Variants in KLHL29 observed in about 807,000 individuals in gnomAD.
KLHL29 encodes the protein kelch-like protein 29.
A neutral mutation model predicts 80.4 loss-of-function variants in KLHL29; 21 were observed. The observed-to-expected ratio is 0.26, with a 90% CI of 0.19 to 0.38. The LOEUF (loss-of-function observed/expected upper bound fraction) is 0.38. Ranked by LOEUF, KLHL29 falls within the 10% of genes least tolerant of loss-of-function variation. KLHL29 has a pLI of 1.00. For missense variants in KLHL29, 867 were observed against 1,223.9 expected, an observed-to-expected ratio of 0.71 and a Z score of 4.35; for synonymous variants, 511 against 526.8, an observed-to-expected ratio of 0.97 and a Z score of 0.41.
intron 3 of KLHL29, among the ~76,000 whole-genome samples, chr2:23,594,617 A>T (rs552726062): frequency 1.3e-5 from 2 of 152,320 alleles, no homozygotes; most frequent in African/African-American, 4.8e-5. Context: ...TCCATGAGGA[A>T]TTGGTGAAAC....
intron 3 of KLHL29, among the ~76,000 whole-genome samples, chr2:23,627,464 A>T (rs1669344602): frequency 6.6e-6 from 1 of 152,216 alleles, no homozygotes; most frequent in Non-Finnish European, 1.5e-5. Flanking sequence ...ATTTCTGCCC[A>T]GCTCTGACCC....
chr2:23,706,993 G>A lies in KLHL29; in HGVS notation c.*329G>A, dbSNP rs550094828. 2.2e-4 allele frequency: 47 copies of A among 216,098 alleles called. No homozygotes were observed. In the East Asian group the frequency reaches 4.9e-3, roughly 23 times the overall value. 13.4% of individuals were successfully genotyped at this position (216,098 alleles called of 1,614,324 possible). On this transcript the variant is annotated 3_prime_UTR_variant, in exon 14 of 14. Transcript: ENST00000486442. ...GAGAAGCTGTTTTTTCCTTCCTGCA[G>A]AGCAAGCTTGATCCCTAAACAACCA...
chr2:23,425,047 T>C (rs1301952283), intron 1 of KLHL29, among the ~76,000 whole-genome samples: 2 of 152,218 alleles, frequency 1.3e-5, no homozygotes. Context: ...GGAAATGAAA[T>C]GTTGTGTATA....
In KLHL29 at chr2:23,670,917, G is replaced by GCGCGCACT. The variant is rs150131401; in HGVS notation, c.941-13481_941-13480insGCGCACTC. Among the ~76,000 whole-genome samples, 47 of 18,564 alleles carry GCGCGCACT rather than the reference G, an allele frequency of 2.5e-3. 4 individuals are homozygous for GCGCGCACT. The highest frequency in any genetic ancestry group is 3.1e-3 in the Non-Finnish European group (26 of 8,502). 12.2% of individuals were successfully genotyped at this position (18,564 alleles called of 152,430 possible). ...GAGGGGTCTCTACACACATGCACGC[G>GCGCGCACT]CTCTCTCTCTCTCTCTCTCTCTCTC... On this transcript the variant is annotated intron_variant, in intron 5 of 13. Coordinates refer to ENST00000486442, the MANE Select transcript of KLHL29 (RefSeq NM_052920.2).
chr2:23,586,338 C>T (rs888606450), intron 3 of KLHL29, among the ~76,000 whole-genome samples: 2 of 150,690 alleles, frequency 1.3e-5, no homozygotes, highest in Non-Finnish European at 2.9e-5. Flanking sequence ...GCCTCCCCCC[C>T]ATTCCTTCTA....
In KLHL29 at chr2:23,385,401, C is replaced by G. The variant is rs1293087687; in HGVS notation, c.-533C>G. 1 of 150,164 alleles carries G rather than the reference C, an allele frequency of 6.7e-6. No individual in the cohort carries two copies. Among genetic ancestry groups the G allele is most frequent in the African/African-American group, 2.5e-5 (1 of 40,424 alleles). 9.3% of individuals were successfully genotyped at this position (150,164 alleles called of 1,614,324 possible). On this transcript the variant is annotated 5_prime_UTR_variant, in exon 1 of 14. Coordinates refer to ENST00000486442, the MANE Select transcript of KLHL29 (RefSeq NM_052920.2). ...CGCGAGCCCGGAGCCAGCCCCAGCC[C>G]CGCGGCCGCCGCGGCTGCGGGGAGA...
At chr2:23,390,803 C>A (rs1256334252) in intron 1 of KLHL29, among the ~76,000 whole-genome samples, 1 of 151,990 alleles carries the variant, frequency 6.6e-6, no homozygotes, top group Non-Finnish European at 1.5e-5. Flanking sequence ...AGGCGCCTGC[C>A]ACCACGCCCA....
intron 2 of KLHL29, among the ~76,000 whole-genome samples, chr2:23,487,644 T>C (rs1165004671): frequency 1.3e-5 from 2 of 152,032 alleles, no homozygotes; most frequent in Non-Finnish European, 2.9e-5. Context: ...CTAGAAGGGG[T>C]CCTCAGGGGT....
intron 2 of KLHL29, among the ~76,000 whole-genome samples, chr2:23,508,510 T>G (rs944476241): frequency 6.6e-6 from 1 of 152,272 alleles, no homozygotes; most frequent in African/African-American, 2.4e-5. Context: ...GAAGCACACC[T>G]GTGCTCCATT....
intron 3 of KLHL29, among the ~76,000 whole-genome samples, chr2:23,631,341 T>A (rs1187262242): frequency 1.3e-5 from 2 of 151,540 alleles, no homozygotes; most frequent in African/African-American, 4.8e-5. Context: ...AAAATTTAAA[T>A]AAAGAATTAC....
intron 3 of KLHL29, among the ~76,000 whole-genome samples, chr2:23,570,196 A>T (rs1053905984): frequency 6.6e-6 from 1 of 152,236 alleles, no homozygotes; most frequent in South Asian, 2.1e-4. Context: ...GTATGCACTC[A>T]GAGACTGCTG....
At chr2:23,573,144 G>A (rs1368800505) in intron 3 of KLHL29, among the ~76,000 whole-genome samples, 2 of 152,216 alleles carry the variant, frequency 1.3e-5, no homozygotes, top group Non-Finnish European at 2.9e-5. Flanking sequence ...AGCTTTTGCT[G>A]CAGTTACTGT....
intron 5 of KLHL29, among the ~76,000 whole-genome samples, chr2:23,657,563 A>G (rs2149167476): frequency 6.6e-6 from 1 of 152,332 alleles, no homozygotes. Flanking sequence ...ATATGCAGAA[A>G]TCCCCATTCG....
At chr2:23,436,339 C>T (rs1381957124) in intron 1 of KLHL29, among the ~76,000 whole-genome samples, 1 of 137,062 alleles carries the variant, frequency 7.3e-6, no homozygotes, top group African/African-American at 2.8e-5. Flanking sequence ...TGTCTCAGCA[C>T]CAGAGAAGTT....
At chr2:23,635,496 C>T (rs899800317) in intron 3 of KLHL29, among the ~76,000 whole-genome samples, 5 of 152,220 alleles carry the variant, frequency 3.3e-5, no homozygotes, top group Non-Finnish European at 5.9e-5. Context: ...CCCCTCTGCG[C>T]TGCCTCACGG....
At chr2:23,507,001 T>TA (rs1156893254) in intron 2 of KLHL29, 1 of 309,774 alleles carries the variant, frequency 3.2e-6, no homozygotes, top group African/African-American at 2.2e-5. Context: ...TCAGAGCCTT[T>TA]AGAGTCTTTT....
chr2:23,521,754 A>G (rs1193087840), intron 2 of KLHL29, among the ~76,000 whole-genome samples: 1 of 152,230 alleles, frequency 6.6e-6, no homozygotes, highest in Admixed American at 6.5e-5. Context: ...GCCAGATGGT[A>G]AACATCAGAG....
At chr2:23,447,630 C>T (rs753241212) in intron 1 of KLHL29, among the ~76,000 whole-genome samples, 6 of 152,234 alleles carry the variant, frequency 3.9e-5, no homozygotes, top group Non-Finnish European at 8.8e-5. Context: ...CCAGGCTCCC[C>T]TGAGTCTCAG....
chr2:23,524,395 CGGGAG>C, intron 2 of KLHL29: 1 of 162,880 alleles, frequency 6.1e-6, no homozygotes, highest in Non-Finnish European at 1.3e-5. Flanking sequence ...CCCGGGCTCC[CGGGAG>C]GCGTCGGCAG....
Sources: gnomAD v4.1 joint callset for allele counts (sites outside exome capture counted in the v4.1 genomes callset) on GRCh38, gnomAD v4.1.1 for gene constraint, MANE v1.5 for transcripts, NCBI Gene and HGNC (gene_info 2026-07-23, HGNC 2026-07-21) for gene names.